Variants in CACNA1D observed in about 807,000 individuals in gnomAD.
CACNA1D encodes voltage-dependent L-type calcium channel subunit alpha-1D.
Under a neutral mutation model 257.1 loss-of-function variants are expected in CACNA1D, and 55 were observed. The ratio of observed to expected loss-of-function variants is 0.21; its 90% CI spans 0.17 to 0.27. The LOEUF (loss-of-function observed/expected upper bound fraction) is 0.27, where lower values mean the gene tolerates loss of function less well. Among genes scored for constraint, CACNA1D ranks in the 10% least tolerant of loss-of-function variants. The pLI is 1.00. For synonymous variants in CACNA1D, 980 were observed against 1,014.9 expected (o/e 0.97, Z 0.65); for missense variants, 1,876 against 2,784.0 (o/e 0.67, Z 7.34).
intron 8 of CACNA1D, among the ~76,000 whole-genome samples, chr3:53,692,150 C>A (rs866172404): frequency 6.6e-6 from 1 of 150,714 alleles, no homozygotes; most frequent in African/African-American, 2.4e-5. Context: ...TACTAATGGC[C>A]GGGGTTTGTG....
At chr3:53,734,387 C>T (rs2095036221) in intron 19 of CACNA1D, among the ~76,000 whole-genome samples, 1 of 151,620 alleles carries the variant, frequency 6.6e-6, no homozygotes, top group South Asian at 2.1e-4. Context: ...TACATATATA[C>T]ACACATATAC....
At chr3:53,555,460 GTTTTTTTTT>G (rs372133749) in intron 3 of CACNA1D, among the ~76,000 whole-genome samples, 2 of 78,386 alleles carry the variant, frequency 2.6e-5, no homozygotes, top group East Asian at 3.1e-4. Flanking sequence ...GTGTGTGTGT[GTTTTTTTTT>G]TTTTTTTTTT....
chr3:53,732,799 A>T lies in CACNA1D; in HGVS notation c.2474-16A>T, dbSNP rs755510846. On this transcript the variant is annotated splice_polypyrimidine_tract_variant and intron_variant, in intron 18 of 47. Coordinates refer to ENST00000350061, the MANE Select transcript of CACNA1D (RefSeq NM_001128840.3). Reference sequence around the variant, plus strand: ...GTCTTTATTTCATGCCTATAAAAAAAGTATTTCATTTAAAGTAGGGGAAGA... The same window carrying T: ...GTCTTTATTTCATGCCTATAAAAAATGTATTTCATTTAAAGTAGGGGAAGA... The T allele has an allele frequency of 5.0e-6, 8 of 1,609,612 alleles. No homozygotes were observed. Among genetic ancestry groups the T allele is most frequent in the Non-Finnish European group, 2.6e-6 (3 of 1,176,030 alleles).
In CACNA1D at chr3:53,813,294, G is replaced by A. The variant is rs1240733017; in HGVS notation, c.*1888G>A. 2 of 152,142 alleles carry A rather than the reference G, an allele frequency of 1.3e-5. No individual in the cohort carries two copies. Among genetic ancestry groups the A allele is most frequent in the African/African-American group, 4.8e-5 (2 of 41,430 alleles). The allele number at this position is 152,142 out of a possible 1,614,324, so 9.4% of individuals were successfully genotyped here. On this transcript the variant is annotated 3_prime_UTR_variant, in exon 48 of 48. Coordinates refer to ENST00000350061, the MANE Select transcript of CACNA1D (RefSeq NM_001128840.3). ...ATCCTTTTTTATTAAAATGCAAAAT[G>A]TTCTTCAGAATAAAACTGTGTAATA...
chr3:53,700,765 C>T (rs1373080969), intron 8 of CACNA1D, among the ~76,000 whole-genome samples: 1 of 152,204 alleles, frequency 6.6e-6, no homozygotes, highest in Admixed American at 6.5e-5. Context: ...ACTGACAGCC[C>T]TAACAGGACC....
chr3:53,766,471 A>C (rs11719163), intron 30 of CACNA1D, among the ~76,000 whole-genome samples: 35 of 152,118 alleles, frequency 2.3e-4, no homozygotes, highest in Non-Finnish European at 4.7e-4. Context: ...TTTGCTTCCT[A>C]TCTGAATTAG....
At position 53,774,102 on chromosome 3, in the gene CACNA1D, G is replaced by A. The variant is rs534828101; in HGVS notation, c.4111-485G>A. The A allele has an allele frequency of 7.8e-4, 132 of 169,782 alleles. 3 individuals carry two copies. In the South Asian group the frequency reaches 0.019, roughly 24 times the overall value. 10.5% of individuals were successfully genotyped at this position (169,782 alleles called of 1,614,324 possible). ...CATCACACGTTATTTTCATTCCCTC[G>A]GTATCTATGCTGTCACCCTGCTCCT... On this transcript the variant is annotated intron_variant, in intron 33 of 47. Coordinates refer to ENST00000350061, the MANE Select transcript of CACNA1D (RefSeq NM_001128840.3). The surrounding 1 kb of genome is among the most constrained non-coding windows in gnomAD (Gnocchi z 4.3).
In CACNA1D at chr3:53,726,918, G is replaced by T; in HGVS notation, c.2140G>T (p.Gly714Cys). Residue 714 changes from glycine to cysteine, a missense_variant, in exon 15 of 48, where the codon GGC (glycine) becomes TGC (cysteine). Around this residue, in one of 10 missense-constraint regions of CACNA1D, gnomAD observed 257 missense variants for 399.7 expected, o/e 0.64. Transcript: ENST00000350061. ...AGACTGGAATGCTGTGATGTACGAT[G>T]GCATCATGGCTTACGGGGGCCCATC... ...GEDWNAVMYD[G>C]IMAYGGPSSS... 3 of 1,614,150 alleles carry T rather than the reference G, an allele frequency of 1.9e-6. No homozygotes were observed. Among genetic ancestry groups the T allele is most frequent in the Non-Finnish European group, 2.5e-6 (3 of 1,179,988 alleles).
chr3:53,637,295 G>A (rs534829435), intron 3 of CACNA1D, among the ~76,000 whole-genome samples: 13 of 152,068 alleles, frequency 8.5e-5, no homozygotes, highest in Admixed American at 3.9e-4. Flanking sequence ...TGCAGTATTC[G>A]TATTACACAC....
At chr3:53,559,541 T>G (rs372184844) in intron 3 of CACNA1D, among the ~76,000 whole-genome samples, 91 of 152,344 alleles carry the variant, frequency 6.0e-4, no homozygotes, top group African/African-American at 2.1e-3. Flanking sequence ...TGGTTCAGTT[T>G]TCAAAGCCTT....
chr3:53,798,069 A>T lies in CACNA1D; in HGVS notation c.4924-2180A>T, dbSNP rs564705159. The T allele has an allele frequency of 2.0e-5, 3 of 152,322 alleles. No individual in the cohort carries two copies. In the East Asian group the frequency reaches 5.8e-4, roughly 29 times the overall value. The allele number at this position is 152,322 out of a possible 1,614,324, so 9.4% of individuals were successfully genotyped here. ...TTGCTTAGCTCACCATCCCTTGATG[A>T]TGTACCCTAGGAAGCTCTGAATGAA... On this transcript the variant is annotated intron_variant, in intron 40 of 47. Coordinates refer to ENST00000350061, the MANE Select transcript of CACNA1D (RefSeq NM_001128840.3).
At chr3:53,720,859 T>C (rs985254711) in intron 11 of CACNA1D, among the ~76,000 whole-genome samples, 2 of 152,238 alleles carry the variant, frequency 1.3e-5, no homozygotes, top group African/African-American at 4.8e-5. Flanking sequence ...AGTTTAAACA[T>C]ATATTTACCA....
chr3:53,654,103 G>A (rs2094125544), intron 4 of CACNA1D, among the ~76,000 whole-genome samples: 1 of 152,074 alleles, frequency 6.6e-6, no homozygotes, highest in Non-Finnish European at 1.5e-5. Flanking sequence ...AGACATTCTA[G>A]AGTTTCAGAA....
chr3:53,792,369 G>A (rs1359039999), intron 40 of CACNA1D: 1 of 152,188 alleles, frequency 6.6e-6, no homozygotes, highest in South Asian at 2.1e-4. Context: ...TGGCCAGTTT[G>A]GGTTTTAAGA....
intron 3 of CACNA1D, among the ~76,000 whole-genome samples, chr3:53,531,391 A>C (rs2091945264): frequency 6.6e-6 from 1 of 152,178 alleles, no homozygotes; most frequent in Admixed American, 6.5e-5. Context: ...CTTAAAAAAA[A>C]TGACATTCTC....
intron 9 of CACNA1D, among the ~76,000 whole-genome samples, chr3:53,703,251 C>T (rs1421154615): frequency 1.3e-5 from 2 of 152,172 alleles, no homozygotes; most frequent in Non-Finnish European, 2.9e-5. Context: ...TGACATGGCT[C>T]CTACATGTGC....
In CACNA1D at chr3:53,745,861, C is replaced by T. The variant is rs1278607714; in HGVS notation, c.3153C>T (p.Asn1051=). The T allele has an allele frequency of 1.2e-6, 2 of 1,613,432 alleles. No individual in the cohort carries two copies. Among genetic ancestry groups the T allele is most frequent in the Non-Finnish European group, 1.7e-6 (2 of 1,179,502 alleles). ...GCTGTACGGATGAAGCCAAAAGTAACCCTGAAGAATGCAGGTGAGCGTCCT... is the reference window on the plus strand; with the variant it reads ...GCTGTACGGATGAAGCCAAAAGTAATCCTGAAGAATGCAGGTGAGCGTCCT... ...FYRCTDEAKS[N]PEECRGLFIL... is the part of the protein sequence containing the mutation. Residue 1051 remains asparagine, a synonymous_variant, in exon 25 of 48, where the codon AAC becomes AAT. Coordinates refer to ENST00000350061, the MANE Select transcript of CACNA1D (RefSeq NM_001128840.3).
intron 40 of CACNA1D, chr3:53,796,226 C>T (rs929203514): frequency 3.2e-5 from 13 of 403,398 alleles, no homozygotes; most frequent in South Asian, 8.7e-5. Flanking sequence ...ACCAGCGAGA[C>T]GACTGTGTGC....
intron 20 of CACNA1D, among the ~76,000 whole-genome samples, chr3:53,739,745 G>T (rs897905279): frequency 1.3e-5 from 2 of 152,214 alleles, no homozygotes; most frequent in African/African-American, 4.8e-5. Context: ...CAGCGCATGA[G>T]CAGGGAAGGG....
Sources: allele counts gnomAD v4.1 joint callset (sites outside exome capture counted in the v4.1 genomes callset), GRCh38; gene constraint gnomAD v4.1.1; regional missense constraint gnomAD v4.1.1; non-coding constraint Gnocchi (gnomAD v3.1); transcripts MANE v1.5; gene names NCBI Gene and HGNC (gene_info 2026-07-23, HGNC 2026-07-21).